The following HS6ST3 variants were observed in gnomAD, a reference collection of about 807,000 sequenced individuals.
The protein encoded by HS6ST3 is heparan-sulfate 6-O-sulfotransferase 3.
HS6ST3 carries 12 observed loss-of-function variants against 36.7 expected under a neutral mutation model. The observed-to-expected ratio is 0.33, with a 90% CI of 0.21 to 0.53. The LOEUF is 0.53. Among genes scored for constraint, HS6ST3 ranks in the 20% least tolerant of loss-of-function variants. The probability of loss-of-function intolerance (pLI) is 0.95; values close to 1 mark genes in which losing one functional copy is unlikely to be tolerated. For synonymous variants in HS6ST3, 240 were observed against 257.5 expected (o/e 0.93, Z 0.65); for missense variants, 584 against 640.9 (o/e 0.91, Z 0.96).
At chr13:96,155,224 A>G (rs1324624951) in intron 1 of HS6ST3, among the ~76,000 whole-genome samples, 1 of 152,312 alleles carries the variant, frequency 6.6e-6, no homozygotes, top group East Asian at 1.9e-4. Flanking sequence ...AAAAACCTTA[A>G]AAGCCCAAAT....
intron 1 of HS6ST3, among the ~76,000 whole-genome samples, chr13:96,413,928 G>A (rs144600483): frequency 3.3e-5 from 5 of 152,262 alleles, no homozygotes; most frequent in Non-Finnish European, 5.9e-5. Context: ...TAGCACTTAG[G>A]TTTCAATTCT....
chr13:96,766,121 GA>G (rs1376028497), intron 1 of HS6ST3, among the ~76,000 whole-genome samples: 1 of 152,172 alleles, frequency 6.6e-6, no homozygotes, highest in Non-Finnish European at 1.5e-5. Flanking sequence ...AAATTGTAGA[GA>G]GTAGAATTTA....
intron 1 of HS6ST3, among the ~76,000 whole-genome samples, chr13:96,102,486 C>CA: frequency 6.6e-6 from 1 of 151,910 alleles, no homozygotes; most frequent in Middle Eastern, 3.4e-3. Context: ...TGTCTCAAAA[C>CA]AAAAAATAAA....
Position 96,127,188 on chromosome 13 carries a change from A to G in HS6ST3, c.707+35619A>G, listed in dbSNP as rs150014734. On this transcript the variant is annotated intron_variant, in intron 1 of 1. Coordinates refer to ENST00000376705, the MANE Select transcript of HS6ST3 (RefSeq NM_153456.4). ...TCATGGGGGTGGAGCCTCATATGCT[A>G]ATGTTGGCTACTATGCTAATTCCAA... Among the ~76,000 whole-genome samples, 158 of 152,244 alleles carry G rather than the reference A, an allele frequency of 1.0e-3. 2 individuals carry two copies. Among genetic ancestry groups the G allele is most frequent in the African/African-American group, 3.7e-3 (154 of 41,548 alleles).
At chr13:96,326,165 TTC>T (rs1475759476) in intron 1 of HS6ST3, among the ~76,000 whole-genome samples, 2 of 57,494 alleles carry the variant, frequency 3.5e-5, no homozygotes, top group Middle Eastern at 6.0e-3. Context: ...TATTCATTTT[TTC>T]TTTTTTTTTT....
intron 1 of HS6ST3, among the ~76,000 whole-genome samples, chr13:96,360,580 C>A (rs1010547652): frequency 3.4e-5 from 5 of 148,664 alleles, no homozygotes; most frequent in Non-Finnish European, 7.4e-5. Flanking sequence ...AAGGTAGAAA[C>A]ATTACGGTTG....
chr13:96,758,401 C>T (rs191281086), intron 1 of HS6ST3, among the ~76,000 whole-genome samples: 1 of 151,784 alleles, frequency 6.6e-6, no homozygotes, highest in Admixed American at 6.6e-5. Flanking sequence ...ATCTGTTGAT[C>T]TTGTTTCTAT....
At chr13:96,190,222 T>C (rs1340452732) in intron 1 of HS6ST3, among the ~76,000 whole-genome samples, 1 of 152,244 alleles carries the variant, frequency 6.6e-6, no homozygotes, top group African/African-American at 2.4e-5. Context: ...AAGTGTTTAC[T>C]GTGTTGTAGG....
chr13:96,397,961 G>A (rs934946765), intron 1 of HS6ST3, among the ~76,000 whole-genome samples: 1 of 152,162 alleles, frequency 6.6e-6, no homozygotes, highest in Non-Finnish European at 1.5e-5. Flanking sequence ...TCCAAACGTA[G>A]TAGACATTTC....
intron 1 of HS6ST3, among the ~76,000 whole-genome samples, chr13:96,677,433 A>G (rs9516735): frequency 0.022 from 3,413 of 152,204 alleles, 69 homozygotes; most frequent in Non-Finnish European, 0.035. Flanking sequence ...TCTTCCTACA[A>G]TGGTCATGTG....
At chr13:96,398,272 T>A (rs373412183) in intron 1 of HS6ST3, among the ~76,000 whole-genome samples, 7 of 152,284 alleles carry the variant, frequency 4.6e-5, no homozygotes, top group African/African-American at 1.7e-4. Context: ...CTTAATTATC[T>A]ATTGCATTTT....
intron 1 of HS6ST3, among the ~76,000 whole-genome samples, chr13:96,794,872 C>G (rs1877872580): frequency 6.6e-6 from 1 of 152,058 alleles, no homozygotes. Context: ...ACTGACAGCA[C>G]AAAGAAAATG....
chr13:96,578,831 T>C (rs2056331135), intron 1 of HS6ST3, among the ~76,000 whole-genome samples: 1 of 152,164 alleles, frequency 6.6e-6, no homozygotes, highest in African/African-American at 2.4e-5. Context: ...TAGCCACTGT[T>C]TTCAAGGAAC....
chr13:96,230,626 G>A (rs1245487756), intron 1 of HS6ST3, among the ~76,000 whole-genome samples: 1 of 152,138 alleles, frequency 6.6e-6, no homozygotes, highest in Non-Finnish European at 1.5e-5. Flanking sequence ...CAATATCTGG[G>A]AGGAGCATAG....
At chr13:96,125,764 AT>A (rs200365476) in intron 1 of HS6ST3, among the ~76,000 whole-genome samples, 3,016 of 150,740 alleles carry the variant, frequency 0.02, 84 homozygotes, top group African/African-American at 0.067. Context: ...TTTTTCTTCC[AT>A]TTTTTTATTT....
intron 1 of HS6ST3, among the ~76,000 whole-genome samples, chr13:96,525,352 A>G (rs898005087): frequency 6.6e-6 from 1 of 152,026 alleles, no homozygotes; most frequent in African/African-American, 2.4e-5. Context: ...AAACTGGTAT[A>G]TTTCTATAGC....
intron 1 of HS6ST3, among the ~76,000 whole-genome samples, chr13:96,488,191 G>C (rs1319009180): frequency 6.6e-6 from 1 of 151,920 alleles, no homozygotes; most frequent in African/African-American, 2.4e-5. Flanking sequence ...CCGTGAACTT[G>C]GCTTCTTCTC....
chr13:96,168,123 G>A (rs575926802), intron 1 of HS6ST3, among the ~76,000 whole-genome samples: 10 of 152,106 alleles, frequency 6.6e-5, no homozygotes, highest in Non-Finnish European at 1.2e-4. Flanking sequence ...CCTCTAGACC[G>A]TGAAAACTAG....
intron 1 of HS6ST3, among the ~76,000 whole-genome samples, chr13:96,548,921 T>G (rs2056208174): frequency 6.6e-6 from 1 of 152,224 alleles, no homozygotes; most frequent in Non-Finnish European, 1.5e-5. Flanking sequence ...TACAGAATCA[T>G]GTTTGACTAA....
Sources: gnomAD v4.1 joint callset for allele counts (sites outside exome capture counted in the v4.1 genomes callset) on GRCh38, gnomAD v4.1.1 for gene constraint, MANE v1.5 for transcripts, NCBI Gene and HGNC (gene_info 2026-07-23, HGNC 2026-07-21) for gene names.